CDCA7L: variants seen among roughly 807,000 people sequenced by gnomAD.
CDCA7L encodes cell division cycle associated 7 like, also known as cell division cycle-associated 7-like protein.
CDCA7L carries 44 observed loss-of-function variants against 57.4 expected under a neutral mutation model. The observed-to-expected ratio is 0.77, with a 90% CI of 0.60 to 0.98. The LOEUF is 0.98. Ranked by LOEUF, CDCA7L falls within the 50% of genes least tolerant of loss-of-function variation. The pLI, the probability that CDCA7L is intolerant of heterozygous loss-of-function variation, is 0.00. For missense variants in CDCA7L, 644 were observed against 580.6 expected, an observed-to-expected ratio of 1.11 and a Z score of -1.12; for synonymous variants, 236 against 202.8, an observed-to-expected ratio of 1.16 and a Z score of -1.39.
Position 21,901,192 on chromosome 7 carries a change from AAGAGCGAAG to A in CDCA7L, c.*1121_*1129del, listed in dbSNP as rs777034641. On this transcript the variant is annotated 3_prime_UTR_variant, in exon 10 of 10. Transcript: ENST00000406877. ...CAGCTACATCTGGACCTTCAGGCTG[AAGAGCGAAG>A]AGAAGACTGCAAAATGGGTTCTGGC... 1 of 1,613,634 alleles carries A rather than the reference AAGAGCGAAG, an allele frequency of 6.2e-7. No individual in the cohort carries two copies. Among genetic ancestry groups the A allele is most frequent in the Non-Finnish European group, 8.5e-7 (1 of 1,179,688 alleles).
intron 4 of CDCA7L, 67 bp from the exon 5 acceptor site, chr7:21,906,706 T>C: frequency 6.8e-7 from 1 of 1,461,432 alleles, no homozygotes; most frequent in Non-Finnish European, 9.6e-7. Flanking sequence ...ATCCAACACC[T>C]ATCTCAAGTC....
At chr7:21,937,052 G>A (rs1343503088) in intron 1 of CDCA7L, among the ~76,000 whole-genome samples, 1 of 152,064 alleles carries the variant, frequency 6.6e-6, no homozygotes, top group East Asian at 1.9e-4. Flanking sequence ...ATTTACAATG[G>A]CATCAGAATA....
At chr7:21,942,555 T>C (rs2128071788) in intron 1 of CDCA7L, among the ~76,000 whole-genome samples, 1 of 152,310 alleles carries the variant, frequency 6.6e-6, no homozygotes, top group Non-Finnish European at 1.5e-5. Context: ...AAAGGAAAAC[T>C]CTCAAGAGCA....
intron 1 of CDCA7L, among the ~76,000 whole-genome samples, chr7:21,939,943 C>T (rs1786287448): frequency 7.6e-6 from 1 of 131,160 alleles, no homozygotes; most frequent in Admixed American, 8.6e-5. Context: ...AACCCTAAAT[C>T]TCAATCAATA....
intron 1 of CDCA7L, among the ~76,000 whole-genome samples, chr7:21,936,632 G>GA (rs1011534173): frequency 1.4e-3 from 187 of 137,300 alleles, no homozygotes; most frequent in African/African-American, 2.8e-3. Context: ...TCCCTCATCA[G>GA]AAAAAAAAAA....
At chr7:21,928,986 C>T (rs867536504) in intron 1 of CDCA7L, among the ~76,000 whole-genome samples, 1 of 152,088 alleles carries the variant, frequency 6.6e-6, no homozygotes, top group African/African-American at 2.4e-5. Context: ...AGAAGAGCAA[C>T]CCCAAGACAC....
chr7:21,906,208 T>C, intron 6 of CDCA7L, 81 bp downstream of exon 6: 2 of 1,392,392 alleles, frequency 1.4e-6, no homozygotes, highest in East Asian at 2.3e-5. Flanking sequence ...GAACCAGCCC[T>C]GGGGTGACAG....
intron 1 of CDCA7L, among the ~76,000 whole-genome samples, chr7:21,934,838 A>G (rs1319405646): frequency 1.3e-5 from 2 of 152,230 alleles, no homozygotes; most frequent in African/African-American, 2.4e-5. Context: ...CAGATTGATA[A>G]AAGAGCCAAT....
chr7:21,931,636 T>C (rs1018813920), intron 1 of CDCA7L, among the ~76,000 whole-genome samples: 1 of 152,126 alleles, frequency 6.6e-6, no homozygotes, highest in African/African-American at 2.4e-5. Flanking sequence ...CTCAAAATAA[T>C]AACAGCTATT....
chr7:21,931,586 G>C (rs1284173157), intron 1 of CDCA7L, among the ~76,000 whole-genome samples: 1 of 152,114 alleles, frequency 6.6e-6, no homozygotes, highest in Non-Finnish European at 1.5e-5. Flanking sequence ...ACCGATTCCT[G>C]CTAAAAACTC....
intron 1 of CDCA7L, among the ~76,000 whole-genome samples, chr7:21,931,514 CAAT>C (rs1786015423): frequency 6.6e-6 from 1 of 152,124 alleles, no homozygotes; most frequent in African/African-American, 2.4e-5. Flanking sequence ...TAAACAGAAC[CAAT>C]GACAAAAACC....
chr7:21,911,186 C>T (rs1365400436), intron 3 of CDCA7L, among the ~76,000 whole-genome samples: 3 of 151,636 alleles, frequency 2.0e-5, no homozygotes, highest in Non-Finnish European at 2.9e-5. Context: ...CCCGCCACCA[C>T]GCCCGGCTAA....
Position 21,902,360 on chromosome 7 carries a change from AAAGATGAG to A in CDCA7L, c.1335-16_1335-9del. On this transcript the variant is annotated splice_polypyrimidine_tract_variant and intron_variant, in intron 9 of 9. Coordinates refer to ENST00000406877, the MANE Select transcript of CDCA7L (RefSeq NM_018719.5). The stretch of plus-strand genomic sequence containing the variant: ...ACCAGCTCCTTTTGTAAGCTGGGAA[AAAGATGAG>A]AAGTATTTGGTAAAGTAGTACAAAT... The A allele has an allele frequency of 6.2e-7, 1 of 1,613,762 alleles. No homozygotes were observed. Among genetic ancestry groups the A allele is most frequent in the Non-Finnish European group, 8.5e-7 (1 of 1,179,708 alleles).
intron 1 of CDCA7L, among the ~76,000 whole-genome samples, chr7:21,928,426 C>G: frequency 6.6e-6 from 1 of 151,890 alleles, no homozygotes; most frequent in Non-Finnish European, 1.5e-5. Flanking sequence ...TCCTTACCAG[C>G]AAGGGAACAA....
At chr7:21,923,821 C>T (rs1479023826) in intron 1 of CDCA7L, among the ~76,000 whole-genome samples, 1 of 152,234 alleles carries the variant, frequency 6.6e-6, no homozygotes, top group East Asian at 1.9e-4. Flanking sequence ...TCTATCCCAG[C>T]TAAGCTATAC....
intron 4 of CDCA7L, 36 bp downstream of exon 4, chr7:21,908,094 G>A (rs199702169): frequency 4.0e-6 from 6 of 1,492,070 alleles, no homozygotes; most frequent in South Asian, 1.4e-5. Flanking sequence ...CCAGAGCCTG[G>A]TGCCAACTCC....
intron 1 of CDCA7L, among the ~76,000 whole-genome samples, chr7:21,930,299 G>A (rs1002951986): frequency 6.6e-6 from 1 of 152,174 alleles, no homozygotes; most frequent in Non-Finnish European, 1.5e-5. Context: ...CAGAATCTCT[G>A]GGACACAGCT....
chr7:21,930,479 G>A lies in CDCA7L; in HGVS notation c.25-13585C>T, dbSNP rs539176803. 5.9e-5 allele frequency among the ~76,000 whole-genome samples: 9 copies of A among 151,996 alleles called. No individual in the cohort carries two copies. In the East Asian group the frequency reaches 7.7e-4, roughly 13 times the overall value. On this transcript the variant is annotated intron_variant, in intron 1 of 9. Coordinates refer to ENST00000406877, the MANE Select transcript of CDCA7L (RefSeq NM_018719.5). ...TGGGAGGCCGAGGTGGGCAGATCAC[G>A]AGGTCAGGAGTTCGAGACCAGCCTG...
At position 21,904,127 on chromosome 7, in the gene CDCA7L, A is replaced by C. The variant is rs1378189271; in HGVS notation, c.1180T>G (p.Ser394Ala). ...GTTCCTACCGGGTCCAGCAATGCCG[A>C]TCTGACATCCTCCCCATAGCGGTTC... ...LRNRYGEDVR[S>A]ALLDPDWVCP... is the part of the protein sequence containing the mutation. Residue 394 changes from serine (S) to alanine (A), a missense_variant, in exon 8 of 10, where the codon TCG (serine) becomes GCG (alanine). Physicochemically the swap from Ser to Ala is moderately conservative, Grantham distance 99. Coordinates refer to ENST00000406877, the MANE Select transcript of CDCA7L (RefSeq NM_018719.5). 1 of 1,605,374 alleles carries C rather than the reference A, an allele frequency of 6.2e-7. No homozygotes were observed. Among genetic ancestry groups the C allele is most frequent in the East Asian group, 2.2e-5 (1 of 44,568 alleles).
Sources: gnomAD v4.1 joint callset for allele counts (sites outside exome capture counted in the v4.1 genomes callset) on GRCh38, gnomAD v4.1.1 for gene constraint, MANE v1.5 for transcripts, NCBI Gene and HGNC (gene_info 2026-07-23, HGNC 2026-07-21) for gene names.